Variants in LCP2 observed in about 807,000 individuals in gnomAD.
LCP2 encodes 76 kDa tyrosine phosphoprotein.
A neutral mutation model predicts 74.5 loss-of-function variants in LCP2; 29 were observed. That is an observed-to-expected ratio of 0.39 (90% CI 0.29 to 0.53). The LOEUF (loss-of-function observed/expected upper bound fraction) is 0.53, where lower values mean the gene tolerates loss of function less well. Ranked by LOEUF, LCP2 falls within the 20% of genes least tolerant of loss-of-function variation. LCP2 has a pLI of 0.72. For synonymous variants in LCP2, 228 were observed against 229.5 expected (o/e 0.99, Z 0.06); for missense variants, 604 against 634.6 (o/e 0.95, Z 0.52).
chr5:170,257,927 C>T, intron 16 of LCP2, 110 bp downstream of exon 16: 2 of 1,225,160 alleles, frequency 1.6e-6, no homozygotes, highest in Admixed American at 3.6e-5. Context: ...ATGTTCAGAC[C>T]CTACTATCTA....
At chr5:170,275,282 C>G in intron 5 of LCP2, 38 bp downstream of exon 5, 3 of 1,612,462 alleles carry the variant, frequency 1.9e-6, no homozygotes, top group Non-Finnish European at 2.5e-6. Flanking sequence ...TACCTATCAC[C>G]TCCTAAAGCA....
chr5:170,293,597 G>A (rs149205106), intron 1 of LCP2, among the ~76,000 whole-genome samples: 87 of 152,258 alleles, frequency 5.7e-4, no homozygotes, highest in Non-Finnish European at 9.1e-4. Context: ...CTAAGGCTTC[G>A]GGGCCAACCC....
chr5:170,262,828 T>C lies in LCP2; in HGVS notation c.818+14A>G, dbSNP rs772834871. ...AACGTCCCATGTACCCTCATGTAGA[T>C]GCAACAGTCTTACCTTCCCGCTGGA... On this transcript the variant is annotated intron_variant, in intron 12 of 20. Transcript: ENST00000046794. The C allele has an allele frequency of 3.1e-6, 5 of 1,613,880 alleles. No homozygotes were observed. The highest frequency in any genetic ancestry group is 1.7e-5 in the Admixed American group (1 of 60,006).
intron 2 of LCP2, among the ~76,000 whole-genome samples, chr5:170,292,865 T>C (rs923801486): frequency 6.6e-6 from 1 of 152,194 alleles, no homozygotes; most frequent in African/African-American, 2.4e-5. Context: ...CCATATCACA[T>C]GTGTGCTTGA....
rs571427975 is a variant in LCP2 at position 170,267,474 on chromosome 5, A to C, written c.622-399T>G. On this transcript the variant is annotated intron_variant, in intron 8 of 20. Coordinates refer to ENST00000046794, the MANE Select transcript of LCP2 (RefSeq NM_005565.5). ...TTCTTGCAGTTCCTGGAAAATCTCA[A>C]GGTTATGCCCTCTTTGGCATCCCTA... 2.0e-5 allele frequency: 5 copies of C among 245,292 alleles called. No individual in the cohort carries two copies. In the South Asian group the frequency reaches 2.9e-4, roughly 14 times the overall value. 15.2% of individuals were successfully genotyped at this position (245,292 alleles called of 1,614,324 possible).
chr5:170,257,930 A>G (rs2113159376), intron 16 of LCP2, 107 bp downstream of exon 16: 2 of 1,259,118 alleles, frequency 1.6e-6, no homozygotes, highest in South Asian at 1.3e-5. Flanking sequence ...TTCAGACCCT[A>G]CTATCTACCC....
intron 10 of LCP2, among the ~76,000 whole-genome samples, chr5:170,264,620 A>G (rs1012841289): frequency 9.8e-5 from 15 of 152,300 alleles, no homozygotes; most frequent in African/African-American, 3.6e-4. Context: ...GAACACAGGG[A>G]AATCCCAGTC....
At chr5:170,254,922 G>A (rs912358496) in intron 17 of LCP2, among the ~76,000 whole-genome samples, 2 of 152,202 alleles carry the variant, frequency 1.3e-5, no homozygotes, top group African/African-American at 2.4e-5. Flanking sequence ...AGAGAAGACC[G>A]AGGACCAGGT....
intron 6 of LCP2, among the ~76,000 whole-genome samples, chr5:170,273,432 CTT>C (rs1009411221): frequency 1.3e-5 from 2 of 152,014 alleles, no homozygotes; most frequent in African/African-American, 4.8e-5. Context: ...CAATTAAATA[CTT>C]TCTTTTACCA....
intron 1 of LCP2, among the ~76,000 whole-genome samples, chr5:170,296,339 A>G (rs1251745536): frequency 6.6e-6 from 1 of 152,204 alleles, no homozygotes; most frequent in African/African-American, 2.4e-5. Context: ...CCCCTACCAT[A>G]CCACACCTAG....
intron 6 of LCP2, among the ~76,000 whole-genome samples, chr5:170,272,597 C>CTTGTTTTTT (rs1761913890): frequency 2.5e-5 from 1 of 40,342 alleles, no homozygotes; most frequent in African/African-American, 8.3e-5. Flanking sequence ...CAAATATTTT[C>CTTGTTTTTT]TTTTTTTTTT....
At chr5:170,290,583 C>G (rs1207719184) in intron 2 of LCP2, among the ~76,000 whole-genome samples, 2 of 152,168 alleles carry the variant, frequency 1.3e-5, no homozygotes, top group Non-Finnish European at 1.5e-5. Context: ...TCCCTGCCTG[C>G]CATGGAGATA....
rs1433238756 is a variant in LCP2, at chr5:170,297,669, G to C, written c.-58C>G. 2 of 1,469,304 alleles carry C rather than the reference G, an allele frequency of 1.4e-6. No homozygotes were observed. Among genetic ancestry groups the C allele is most frequent in the Non-Finnish European group, 1.9e-6 (2 of 1,074,796 alleles). 91.0% of individuals were successfully genotyped at this position (1,469,304 alleles called of 1,614,324 possible). A position where few individuals can be genotyped will look rare whatever the true frequency, so the allele number is the denominator to read the frequency against. On this transcript the variant is annotated 5_prime_UTR_variant, in exon 1 of 21. Coordinates refer to ENST00000046794, the MANE Select transcript of LCP2 (RefSeq NM_005565.5). ...AGCATGGGCGCTTCACCCATGGGCA[G>C]AGAAGCTCAAATCCAGAGCTCGGAG...
At chr5:170,263,107 T>G in intron 10 of LCP2, 115 bp from the exon 11 acceptor site, 1 of 1,242,746 alleles carries the variant, frequency 8.0e-7, no homozygotes, top group Non-Finnish European at 1.1e-6. Context: ...TGATGGGGTT[T>G]AAGCATTAAA....
At chr5:170,271,465 C>T (rs1204655534) in intron 6 of LCP2, among the ~76,000 whole-genome samples, 5 of 152,154 alleles carry the variant, frequency 3.3e-5, no homozygotes, top group African/African-American at 1.2e-4. Flanking sequence ...CCGTCAGAGG[C>T]TGTGCTGTTC....
rs116386489 is a variant in LCP2 at position 170,256,365 on chromosome 5, A to G, written c.1150+161T>C. 0.032 allele frequency among the ~76,000 whole-genome samples: 4,830 copies of G among 152,262 alleles called. 210 individuals carry two copies. Among genetic ancestry groups the G allele is most frequent in the African/African-American group, 0.1 (4,166 of 41,524 alleles). On this transcript the variant is annotated intron_variant, in intron 17 of 20. Transcript: ENST00000046794. The surrounding 1 kb of genome is among the most constrained non-coding windows in gnomAD (Gnocchi z 4.5). ...TTAGGTACTATCCTATCATTCCGACAGCCCTTGGCACACTGCAGACACGGA... is the reference window on the plus strand; with the variant it reads ...TTAGGTACTATCCTATCATTCCGACGGCCCTTGGCACACTGCAGACACGGA...
intron 2 of LCP2, among the ~76,000 whole-genome samples, chr5:170,292,550 A>G (rs1274644378): frequency 6.6e-6 from 1 of 152,140 alleles, no homozygotes; most frequent in Admixed American, 6.6e-5. Flanking sequence ...AACTTAGCTT[A>G]CTCTATTCAC....
rs543104186 is a variant in LCP2, at chr5:170,280,164, A to G, written c.189-4304T>C. Among the ~76,000 whole-genome samples the G allele has an allele frequency of 4.4e-4, 67 of 152,082 alleles. 1 individual carries two copies. The highest frequency in any genetic ancestry group is 1.6e-3 in the African/African-American group (67 of 41,458). On this transcript the variant is annotated intron_variant, in intron 3 of 20. Transcript: ENST00000046794. ...GCTCACATAGTAAGAGCTTTGGCCA[A>G]CTTCTGACCAAAGCCCTCCCACAGT...
At chr5:170,257,092 G>T (rs1260464532) in intron 16 of LCP2, among the ~76,000 whole-genome samples, 1 of 152,160 alleles carries the variant, frequency 6.6e-6, no homozygotes, top group African/African-American at 2.4e-5. Context: ...GGCCCAGAGG[G>T]CCCTGAAATG....
Sources: allele counts gnomAD v4.1 joint callset (sites outside exome capture counted in the v4.1 genomes callset), GRCh38; gene constraint gnomAD v4.1.1; non-coding constraint Gnocchi (gnomAD v3.1); transcripts MANE v1.5; gene names NCBI Gene and HGNC (gene_info 2026-07-23, HGNC 2026-07-21).